ERVW-1: variants seen among roughly 807,000 people sequenced by gnomAD.
ERVW-1 encodes syncytin-1.
In ERVW-1, 21 loss-of-function variants were observed where a neutral mutation model predicts 16.6. The ratio of observed to expected loss-of-function variants is 1.26; its 90% CI spans 0.90 to 1.82. The LOEUF is 1.82. Ranked by LOEUF, ERVW-1 falls within the 40% of genes most tolerant of loss-of-function variation. The probability of loss-of-function intolerance (pLI) is 0.00; values close to 1 mark genes in which losing one functional copy is unlikely to be tolerated. For missense variants in ERVW-1, 412 were observed against 300.2 expected (o/e 1.37, Z -2.75); for synonymous variants, 161 against 109.8 (o/e 1.47, Z -2.92).
chr7:92,476,966 A>G (rs1041009734), intron 1 of ERVW-1, among the ~76,000 whole-genome samples: 1 of 152,128 alleles, frequency 6.6e-6, no homozygotes, highest in Non-Finnish European at 1.5e-5. Context: ...GTATATTCAG[A>G]GGTAAGGAGA....
Position 92,470,074 on chromosome 7 carries a change from G to A in ERVW-1, c.308C>T (p.Thr103Ile), listed in dbSNP as rs1196293716. 1 of 778,706 alleles carries A rather than the reference G, an allele frequency of 1.3e-6. No individual in the cohort carries two copies. Among genetic ancestry groups the A allele is most frequent in the East Asian group, 2.4e-5 (1 of 41,266 alleles). The allele number at this position is 778,706 out of a possible 1,614,324, so 48.2% of individuals were successfully genotyped here. The change falls in exon 2 of 2, where the codon ACT becomes ATT. Residue 103 changes from threonine to isoleucine, a missense_variant. By Grantham distance (89) the Thr-to-Ile change is moderately conservative. Coordinates refer to ENST00000603053, the MANE Select transcript of ERVW-1 (RefSeq NM_001130925.2). ...NPSCPGGLGV[T>I]VCWTYFTQTG... ...TTGGGTGAAGTAAGTCCAACAGACA[G>A]TGACTCCAAGTCCTCCAGGACAACT...
chr7:92,474,938 C>G (rs187013191), intron 1 of ERVW-1: 1 of 152,092 alleles, frequency 6.6e-6, no homozygotes, highest in South Asian at 2.1e-4. Flanking sequence ...ACCCTTTTGT[C>G]TATCTCCTTT....
rs757923875 is a variant in ERVW-1 at position 92,468,861 on chromosome 7, G to T, written c.1521C>A (p.Ser507Arg). The change falls in exon 2 of 2, where the codon AGC (serine) becomes AGA (arginine). Residue 507 changes from serine to arginine, a missense_variant. Coordinates refer to ENST00000603053, the MANE Select transcript of ERVW-1 (RefSeq NM_001130925.2). ...TGATGTCATTAACATCAGATCGTGG[G>T]CTAGCAGGCCGGTCCAGGGGTCTGC... ...IYRRPLDRPASPRSDVNDIKG... is the reference protein window; with the variant it reads ...IYRRPLDRPARPRSDVNDIKG... 36 of 764,336 alleles carry T rather than the reference G, an allele frequency of 4.7e-5. 1 individual carries two copies. Among genetic ancestry groups the T allele is most frequent in the Middle Eastern group, 3.5e-4 (1 of 2,830 alleles). 47.3% of individuals were successfully genotyped at this position (764,336 alleles called of 1,614,324 possible). A position where few individuals can be genotyped will look rare whatever the true frequency, so the allele number is the denominator to read the frequency against.
chr7:92,472,057 A>G (rs1252529077), intron 1 of ERVW-1: 9 of 152,184 alleles, frequency 5.9e-5, no homozygotes, highest in Non-Finnish European at 1.3e-4. Context: ...TCAGTATACA[A>G]GTTGAGGTCG....
intron 1 of ERVW-1, among the ~76,000 whole-genome samples, chr7:92,473,694 C>T (rs577463546): frequency 2.0e-4 from 30 of 151,912 alleles, no homozygotes; most frequent in Admixed American, 1.7e-3. Flanking sequence ...GGAGAAGTAT[C>T]TAGTGACTGC....
At chr7:92,475,996 A>G (rs111386776) in intron 1 of ERVW-1, among the ~76,000 whole-genome samples, 6,244 of 152,280 alleles carry the variant, frequency 0.041, 159 homozygotes, top group African/African-American at 0.055. Flanking sequence ...CTTCCACAAG[A>G]GTCCCCGTAT....
At chr7:92,476,371 G>A (rs937646931) in intron 1 of ERVW-1, among the ~76,000 whole-genome samples, 7 of 152,144 alleles carry the variant, frequency 4.6e-5, no homozygotes, top group Admixed American at 2.6e-4. Context: ...GTCCATCTGC[G>A]GGTTACTGGG....
chr7:92,474,996 C>CAG (rs984036063), intron 1 of ERVW-1: 8 of 151,918 alleles, frequency 5.3e-5, no homozygotes, highest in African/African-American at 1.9e-4. Context: ...GGGAAGGAGT[C>CAG]GGGGATGCTG....
intron 1 of ERVW-1, chr7:92,471,870 T>C (rs1246060584): frequency 6.6e-6 from 1 of 152,054 alleles, no homozygotes; most frequent in Non-Finnish European, 1.5e-5. Flanking sequence ...ATATTTAGAG[T>C]CTGTATATAT....
chr7:92,475,847 A>G (rs1055157050), intron 1 of ERVW-1, among the ~76,000 whole-genome samples: 1 of 152,210 alleles, frequency 6.6e-6, no homozygotes, highest in African/African-American at 2.4e-5. Context: ...ATGCAAATGC[A>G]TTACAGAGAG....
At chr7:92,474,722 A>G (rs1790470824) in intron 1 of ERVW-1, 1 of 152,218 alleles carries the variant, frequency 6.6e-6, no homozygotes, top group South Asian at 2.1e-4. Context: ...ATATCTCTCC[A>G]TGTCAGATCA....
chr7:92,475,301 TCC>T (rs1790493041), intron 1 of ERVW-1: 1 of 152,128 alleles, frequency 6.6e-6, no homozygotes, highest in Admixed American at 6.5e-5. Flanking sequence ...GGGGAACGTT[TCC>T]CATCTGAAAA....
chr7:92,476,864 G>A (rs560070039), intron 1 of ERVW-1, among the ~76,000 whole-genome samples: 14 of 152,288 alleles, frequency 9.2e-5, no homozygotes, highest in Non-Finnish European at 1.8e-4. Flanking sequence ...AGGACGCAGC[G>A]CAGAGCTTCC....
Position 92,477,785 on chromosome 7 carries a change from A to G in ERVW-1, c.-631T>C, listed in dbSNP as rs187902619. 6.7e-4 allele frequency: 121 copies of G among 180,956 alleles called. No homozygotes were observed. The highest frequency in any genetic ancestry group is 2.7e-3 in the East Asian group (17 of 6,284). 11.2% of individuals were successfully genotyped at this position (180,956 alleles called of 1,614,324 possible). A position where few individuals can be genotyped will look rare whatever the true frequency, so the allele number is the denominator to read the frequency against. On this transcript the variant is annotated 5_prime_UTR_variant, in exon 1 of 2. Coordinates refer to ENST00000603053, the MANE Select transcript of ERVW-1 (RefSeq NM_001130925.2). ...ATCCAGAGGGATGGGAGTCAGCGGC[A>G]GGTCTGCGGTGGTGGCAAACAGCAG...
At chr7:92,475,521 G>T (rs1221195498) in intron 1 of ERVW-1, among the ~76,000 whole-genome samples, 1 of 152,158 alleles carries the variant, frequency 6.6e-6, no homozygotes, top group Non-Finnish European at 1.5e-5. Context: ...CAGGCTGCTG[G>T]ATTCTAGTGG....
rs535330079 is a variant in ERVW-1 at position 92,475,796 on chromosome 7, C to T, written c.-228+1586G>A. Among the ~76,000 whole-genome samples the T allele has an allele frequency of 1.5e-3, 229 of 152,292 alleles. 1 individual carries two copies. Among genetic ancestry groups the T allele is most frequent in the Non-Finnish European group, 2.5e-3 (171 of 68,028 alleles). ...GGCTGGGTTCCTATTTTATAACAAC[C>T]CAGCTGCCCCATCAAGATGCATTCC... On this transcript the variant is annotated intron_variant, in intron 1 of 1. Transcript: ENST00000603053.
chr7:92,474,906 G>A (rs1269688160), intron 1 of ERVW-1: 3 of 152,036 alleles, frequency 2.0e-5, no homozygotes, highest in Admixed American at 6.6e-5. Flanking sequence ...GGGGAATATT[G>A]GCACTCTTTG....
intron 1 of ERVW-1, chr7:92,475,362 G>A (rs1790495287): frequency 6.6e-6 from 1 of 152,064 alleles, no homozygotes; most frequent in South Asian, 2.1e-4. Flanking sequence ...ATGAGCTTTA[G>A]TCCTGGAGTG....
In ERVW-1 at chr7:92,470,174, G is replaced by C. The variant is rs140717743; in HGVS notation, c.208C>G (p.Arg70Gly). 1.3e-6 allele frequency: 1 copy of C among 777,372 alleles called. No individual in the cohort carries two copies. The highest frequency in any genetic ancestry group is 2.4e-6 in the Non-Finnish European group (1 of 417,412). 48.2% of individuals were successfully genotyped at this position (777,372 alleles called of 1,614,324 possible). A position where few individuals can be genotyped will look rare whatever the true frequency, so the allele number is the denominator to read the frequency against. The change falls in exon 2 of 2, where the codon CGC becomes GGC. Residue 70 changes from arginine (R) to glycine (G), a missense_variant. Transcript: ENST00000603053. ...AGAGTGGCAGAGTGATAGCAGTTGC[G>C]GGGCATATGGGTGTGGGCAGTGAAG... ...PTFTAHTHMP[R>G]NCYHSATLCM...
Sources: allele counts gnomAD v4.1 joint callset (sites outside exome capture counted in the v4.1 genomes callset), GRCh38; gene constraint gnomAD v4.1.1; transcripts MANE v1.5; gene names NCBI Gene and HGNC (gene_info 2026-07-23, HGNC 2026-07-21).